Variants in BLCAP observed in about 807,000 individuals in gnomAD.
The protein encoded by BLCAP is BLCAP apoptosis inducing factor, also known as apoptosis inducing factor BLCAP.
In BLCAP, 1 loss-of-function variant was observed where a neutral mutation model predicts 5.7. The ratio of observed to expected loss-of-function variants is 0.18; its 90% CI spans 0.06 to 0.83. BLCAP has a LOEUF of 0.83. Ranked by LOEUF, BLCAP falls within the 40% of genes least tolerant of loss-of-function variation. The pLI is 0.71. For missense variants in BLCAP, 66 were observed against 107.6 expected, an observed-to-expected ratio of 0.61 and a Z score of 1.71; for synonymous variants, 48 against 49.4, an observed-to-expected ratio of 0.97 and a Z score of 0.11.
chr20:37,520,714 T>G (rs1470401234), intron 1 of BLCAP: 1 of 152,682 alleles, frequency 6.5e-6, no homozygotes, highest in Non-Finnish European at 1.5e-5. Context: ...ATCAGACGGG[T>G]TACGCGCTCA....
chr20:37,523,225 G>GAC (rs1471864491), intron 1 of BLCAP: 5 of 155,332 alleles, frequency 3.2e-5, no homozygotes, highest in African/African-American at 1.2e-4. Context: ...TGTGTGGCGG[G>GAC]ACTGGAGGGC....
chr20:37,527,264 G>A (rs1030420882), intron 1 of BLCAP, among the ~76,000 whole-genome samples: 1 of 152,060 alleles, frequency 6.6e-6, no homozygotes. Context: ...AGTAAGAAGC[G>A]CCCGCGACTC....
rs6095103 is a variant in BLCAP, at chr20:37,526,928, G to A, written c.-177+865C>T. The A allele has an allele frequency of 2.0e-5, 3 of 152,366 alleles. No homozygotes were observed. In the East Asian group the frequency reaches 5.8e-4, roughly 29 times the overall value. The allele number at this position is 152,366 out of a possible 1,614,324, so 9.4% of individuals were successfully genotyped here. On this transcript the variant is annotated intron_variant, in intron 1 of 1. Coordinates refer to ENST00000373537, the MANE Select transcript of BLCAP (RefSeq NM_006698.4). ...CTGACGGGATGACTGGACCATGTCA[G>A]GCAGGGCAGAGAAGCCGTCCCCAAC...
chr20:37,519,394 G>C (rs1164616566), intron 1 of BLCAP, 44 bp from the exon 2 acceptor site: 12 of 43,708 alleles, frequency 2.7e-4, no homozygotes, highest in East Asian at 7.9e-4. Context: ...ACAAAGAACA[G>C]ACAGACAGAC....
At chr20:37,527,529 C>T (rs1169546085) in intron 1 of BLCAP, 3 of 152,302 alleles carry the variant, frequency 2.0e-5, no homozygotes. Context: ...AGGGCGCTGA[C>T]CTTGGACAAG....
chr20:37,523,951 A>G (rs2071675681), intron 1 of BLCAP, among the ~76,000 whole-genome samples: 1 of 152,134 alleles, frequency 6.6e-6, no homozygotes, highest in Non-Finnish European at 1.5e-5. Flanking sequence ...CCCCTCCCCA[A>G]AGGGATAGGT....
intron 1 of BLCAP, chr20:37,522,311 C>G: frequency 1.3e-6 from 2 of 1,529,350 alleles, no homozygotes; most frequent in Non-Finnish European, 1.8e-6. Flanking sequence ...GGAAGAATTC[C>G]CTGCTAAAGG....
At position 37,521,434 on chromosome 20, in the gene BLCAP, G is replaced by C. The variant is rs779217621; in HGVS notation, c.-176-2084C>G. 2 of 1,607,532 alleles carry C rather than the reference G, an allele frequency of 1.2e-6. No homozygotes were observed. The highest frequency in any genetic ancestry group is 2.2e-5 in the South Asian group (2 of 90,976). On this transcript the variant is annotated intron_variant, in intron 1 of 1. Transcript: ENST00000373537. The surrounding 1 kb of genome is among the most constrained non-coding windows in gnomAD (Gnocchi z 4.5). ...TCTGACGGGGTTTCGGGTGGGAGAG[G>C]GTTCCCAACTCGCGCCCCTAGAACC...
At chr20:37,520,200 TTC>T in intron 1 of BLCAP, 1 of 152,250 alleles carries the variant, frequency 6.6e-6, no homozygotes, top group Non-Finnish European at 1.5e-5. Context: ...AAGAGGTGCT[TTC>T]GGCTGGCTAC....
chr20:37,521,474 G>A lies in BLCAP; in HGVS notation c.-176-2124C>T, dbSNP rs2071569826. Reference sequence around the variant, plus strand: ...CCCCTAGAACCCGCAAGACTGCGTCGCGATTGCCGCTTCCCGGACCCGTCC... The same window carrying A: ...CCCCTAGAACCCGCAAGACTGCGTCACGATTGCCGCTTCCCGGACCCGTCC... On this transcript the variant is annotated intron_variant, in intron 1 of 1. Transcript: ENST00000373537. This position sits in a 1 kb window ranked among gnomAD's most constrained non-coding sequence, Gnocchi z 4.5. 4.1e-6 allele frequency: 6 copies of A among 1,449,248 alleles called. No individual in the cohort carries two copies. Among genetic ancestry groups the A allele is most frequent in the South Asian group, 1.1e-5 (1 of 87,634 alleles). 89.8% of individuals were successfully genotyped at this position (1,449,248 alleles called of 1,614,324 possible).
Position 37,519,082 on chromosome 20 carries a change from G to C in BLCAP, c.93C>G (p.Phe31Leu). 6.2e-7 allele frequency: 1 copy of C among 1,614,106 alleles called. No individual in the cohort carries two copies. The highest frequency in any genetic ancestry group is 8.5e-7 in the Non-Finnish European group (1 of 1,180,026). ...LWFSHSMFMG[F>L]YLLSFLLERK... ...GTTCCAGGAGGAAGCTGAGCAGGTA[G>C]AAGCCCATGAACATGGAGTGGCTGA... The change falls in exon 2 of 2, where the codon TTC becomes TTG. Residue 31 changes from phenylalanine (F) to leucine (L), a missense_variant. Transcript: ENST00000373537.
chr20:37,520,036 A>T (rs1390737413), intron 1 of BLCAP, among the ~76,000 whole-genome samples: 2 of 152,246 alleles, frequency 1.3e-5, no homozygotes, highest in East Asian at 1.9e-4. Context: ...TCACTATGCT[A>T]CTTTGTCCAA....
intron 1 of BLCAP, among the ~76,000 whole-genome samples, chr20:37,525,333 G>A (rs1450018893): frequency 6.6e-6 from 1 of 152,200 alleles, no homozygotes; most frequent in Non-Finnish European, 1.5e-5. Flanking sequence ...CAGGGAGGTA[G>A]GCCAAAGCAG....
In BLCAP at chr20:37,519,247, G is replaced by A. The variant is rs950350619; in HGVS notation, c.-73C>T. The A allele has an allele frequency of 4.1e-6, 6 of 1,477,874 alleles. No homozygotes were observed. The highest frequency in any genetic ancestry group is 1.4e-5 in the African/African-American group (1 of 70,992). The allele number at this position is 1,477,874 out of a possible 1,614,324, so 91.5% of individuals were successfully genotyped here. On this transcript the variant is annotated 5_prime_UTR_variant, in exon 2 of 2. Coordinates refer to ENST00000373537, the MANE Select transcript of BLCAP (RefSeq NM_006698.4). ...AGGAACCGACCTAATGGGAGCCAGC[G>A]GGCGCAGGCGGCTGCCCTCCGCTTT... is the stretch of plus-strand genomic sequence containing the variant.
chr20:37,520,337 G>A (rs1466272408), intron 1 of BLCAP: 5 of 152,366 alleles, frequency 3.3e-5, no homozygotes, highest in African/African-American at 1.2e-4. Flanking sequence ...ACGGGGCTGC[G>A]GTAGCCACAA....
intron 1 of BLCAP, among the ~76,000 whole-genome samples, chr20:37,525,764 C>T (rs754179206): frequency 6.6e-5 from 10 of 152,256 alleles, no homozygotes; most frequent in East Asian, 3.9e-4. Context: ...GAGAGCAATG[C>T]GAAGAATTGA....
chr20:37,525,859 T>C (rs1461430990), intron 1 of BLCAP, among the ~76,000 whole-genome samples: 2 of 152,192 alleles, frequency 1.3e-5, no homozygotes, highest in Non-Finnish European at 2.9e-5. Context: ...CCAGAAGACT[T>C]TGCCCCCACA....
intron 1 of BLCAP, chr20:37,527,563 C>T (rs1400142795): frequency 6.6e-6 from 1 of 152,348 alleles, no homozygotes. Flanking sequence ...CCCAGGAGTA[C>T]TATGACCCAC....
rs908349443 is a variant in BLCAP, at chr20:37,521,768, C to A, written c.-176-2418G>T. 58 of 191,468 alleles carry A rather than the reference C, an allele frequency of 3.0e-4. No individual in the cohort carries two copies. The highest frequency in any genetic ancestry group is 1.3e-3 in the African/African-American group (54 of 42,944). The allele number at this position is 191,468 out of a possible 1,614,324, so 11.9% of individuals were successfully genotyped here. On this transcript the variant is annotated intron_variant, in intron 1 of 1. Transcript: ENST00000373537. This position sits in a 1 kb window ranked among gnomAD's most constrained non-coding sequence, Gnocchi z 4.5. ...CTGTGTTGAAAGACTTTACAGCTCG[C>A]AGAGTGAAAATTTTCCACCTTAAAA...
Sources: allele counts gnomAD v4.1 joint callset (sites outside exome capture counted in the v4.1 genomes callset), GRCh38; gene constraint gnomAD v4.1.1; non-coding constraint Gnocchi (gnomAD v3.1); transcripts MANE v1.5; gene names NCBI Gene and HGNC (gene_info 2026-07-23, HGNC 2026-07-21).